The following MACROD2 variants were observed in gnomAD, a reference collection of about 807,000 sequenced individuals.
MACROD2 encodes the protein mono-ADP ribosylhydrolase 2.
A neutral mutation model predicts 70.4 loss-of-function variants in MACROD2; 36 were observed. That is an observed-to-expected ratio of 0.51 (90% CI 0.39 to 0.68). MACROD2 has a LOEUF of 0.68. MACROD2 is among the 30% of genes least tolerant of loss of function. The probability of loss-of-function intolerance (pLI) is 0.00; values close to 1 mark genes in which losing one functional copy is unlikely to be tolerated. For synonymous variants in MACROD2, 172 were observed against 178.8 expected (o/e 0.96, Z 0.30); for missense variants, 496 against 538.4 (o/e 0.92, Z 0.78).
intron 5 of MACROD2, among the ~76,000 whole-genome samples, chr20:15,074,826 C>T (rs931984581): frequency 2.6e-5 from 4 of 152,174 alleles, no homozygotes; most frequent in Admixed American, 2.6e-4. Context: ...TCAGTTTTTA[C>T]TATATCCTTC....
At chr20:15,929,996 G>A (rs1412422850) in intron 10 of MACROD2, among the ~76,000 whole-genome samples, 2 of 152,110 alleles carry the variant, frequency 1.3e-5, no homozygotes, top group Non-Finnish European at 2.9e-5. Flanking sequence ...TATCACACTC[G>A]ACATGAATGC....
Position 15,312,663 on chromosome 20 carries a change from T to A in MACROD2, c.540+82602T>A, listed in dbSNP as rs906410158. ...TTTTTCATTTATGCTTATGTTTATA[T>A]AAAAACATAGCTGTAAGGATAGACA... On this transcript the variant is annotated intron_variant, in intron 6 of 17. Transcript: ENST00000684519. Among the ~76,000 whole-genome samples the A allele has an allele frequency of 7.2e-5, 11 of 152,334 alleles. No individual in the cohort carries two copies. The East Asian group carries it at 2.1e-3, about 29-fold the overall frequency.
intron 6 of MACROD2, among the ~76,000 whole-genome samples, chr20:15,312,787 T>C (rs2077767369): frequency 6.6e-6 from 1 of 152,202 alleles, no homozygotes; most frequent in Admixed American, 6.5e-5. Flanking sequence ...ATACATCTAC[T>C]ATTTAAATTT....
intron 5 of MACROD2, among the ~76,000 whole-genome samples, chr20:15,118,689 G>T (rs947577438): frequency 6.6e-6 from 1 of 152,120 alleles, no homozygotes; most frequent in Non-Finnish European, 1.5e-5. Flanking sequence ...CTGTATGAAG[G>T]GTTTAGGTTG....
In MACROD2 at chr20:15,197,165, C is replaced by G. The variant is rs530625491; in HGVS notation, c.419-32775C>G. The G allele has an allele frequency of 4.1e-5, 12 of 294,940 alleles. No homozygotes were observed. In the East Asian group the frequency reaches 1.2e-3, roughly 30 times the overall value. The allele number at this position is 294,940 out of a possible 1,614,324, so 18.3% of individuals were successfully genotyped here. On this transcript the variant is annotated intron_variant, in intron 5 of 17. Transcript: ENST00000684519. ...GACTCTTTTTTAAGGTACCTTTAATCTTTTCTTCATTTAGTTTGTCAGTTA... is the reference window on the plus strand; with the variant it reads ...GACTCTTTTTTAAGGTACCTTTAATGTTTTCTTCATTTAGTTTGTCAGTTA...
At chr20:16,045,059 A>G (rs1187599032) in intron 17 of MACROD2, among the ~76,000 whole-genome samples, 1 of 152,116 alleles carries the variant, frequency 6.6e-6, no homozygotes, top group Non-Finnish European at 1.5e-5. Flanking sequence ...TGGAGTTTGT[A>G]TAAAGGAATA....
intron 3 of MACROD2, among the ~76,000 whole-genome samples, chr20:14,349,974 C>T (rs1265101758): frequency 6.6e-6 from 1 of 151,762 alleles, no homozygotes; most frequent in African/African-American, 2.4e-5. Flanking sequence ...GTCTCAAACT[C>T]CTGACCTCAG....
chr20:14,035,463 TC>T (rs1228895566), intron 2 of MACROD2, among the ~76,000 whole-genome samples: 1 of 152,194 alleles, frequency 6.6e-6, no homozygotes, highest in East Asian at 1.9e-4. Context: ...TTCTCAACTC[TC>T]CCATTTATAT....
intron 3 of MACROD2, among the ~76,000 whole-genome samples, chr20:14,151,803 TA>T (rs1185954009): frequency 6.7e-6 from 1 of 149,898 alleles, no homozygotes; most frequent in African/African-American, 2.4e-5. Flanking sequence ...GGCCTTGTTG[TA>T]TTGTATCTTT....
intron 6 of MACROD2, among the ~76,000 whole-genome samples, chr20:15,409,506 A>G (rs2046048292): frequency 6.6e-6 from 1 of 152,224 alleles, no homozygotes; most frequent in African/African-American, 2.4e-5. Context: ...TGGTTTGAAC[A>G]TTTGCTTCAT....
chr20:14,456,334 CA>C (rs1228839234), intron 3 of MACROD2, among the ~76,000 whole-genome samples: 3 of 151,840 alleles, frequency 2.0e-5, no homozygotes, highest in African/African-American at 7.3e-5. Flanking sequence ...TGGCATAGCA[CA>C]GTATTTTTTC....
chr20:14,975,731 G>A (rs929444462), intron 5 of MACROD2, among the ~76,000 whole-genome samples: 55 of 152,032 alleles, frequency 3.6e-4, no homozygotes, highest in African/African-American at 1.2e-3. Flanking sequence ...AGCAGGTGAG[G>A]TAATTGAGGC....
chr20:14,247,944 C>A (rs1481850597), intron 3 of MACROD2, among the ~76,000 whole-genome samples: 3 of 152,088 alleles, frequency 2.0e-5, no homozygotes. Context: ...GCCTTTTAAT[C>A]AAAACACAGC....
At chr20:14,234,895 G>A (rs543450882) in intron 3 of MACROD2, among the ~76,000 whole-genome samples, 94 of 152,134 alleles carry the variant, frequency 6.2e-4, no homozygotes, top group Non-Finnish European at 1.2e-3. Flanking sequence ...GATATACAGA[G>A]CACTTAAATA....
chr20:15,340,122 CTTTCT>C (rs2078092350), intron 6 of MACROD2, among the ~76,000 whole-genome samples: 1 of 81,880 alleles, frequency 1.2e-5, no homozygotes, highest in African/African-American at 5.1e-5. Flanking sequence ...TTCTTTCTTT[CTTTCT>C]TTCTTTTTTT....
intron 10 of MACROD2, among the ~76,000 whole-genome samples, chr20:15,901,333 AT>A (rs2065061136): frequency 6.6e-6 from 1 of 152,094 alleles, no homozygotes; most frequent in Admixed American, 6.6e-5. Flanking sequence ...TTGATTTAGG[AT>A]TTTTTGACTT....
chr20:14,215,380 A>ACACC (rs1250375095), intron 3 of MACROD2, among the ~76,000 whole-genome samples: 3 of 147,068 alleles, frequency 2.0e-5, no homozygotes, highest in Non-Finnish European at 4.5e-5. Context: ...ACACACACAC[A>ACACC]CCACAGTTTC....
intron 5 of MACROD2, among the ~76,000 whole-genome samples, chr20:14,857,626 C>T (rs2073269300): frequency 6.6e-6 from 1 of 152,052 alleles, no homozygotes; most frequent in South Asian, 2.1e-4. Context: ...ACTTAAAAGC[C>T]ACGAAGTGAA....
chr20:15,175,316 A>G (rs1290795709), intron 5 of MACROD2, among the ~76,000 whole-genome samples: 1 of 150,900 alleles, frequency 6.6e-6, no homozygotes, highest in Admixed American at 6.6e-5. Flanking sequence ...TTTAGGAGAT[A>G]TACCTAATGC....
Sources: allele counts gnomAD v4.1 joint callset (sites outside exome capture counted in the v4.1 genomes callset), GRCh38; gene constraint gnomAD v4.1.1; transcripts MANE v1.5; gene names NCBI Gene and HGNC (gene_info 2026-07-23, HGNC 2026-07-21).